The following LIMS2 variants were observed in gnomAD, a reference collection of about 807,000 sequenced individuals.
The protein encoded by LIMS2 is LIM and senescent cell antigen-like-containing domain protein 2.
LIMS2 carries 30 observed loss-of-function variants against 45.3 expected under a neutral mutation model. The observed-to-expected ratio is 0.66, with a 90% CI of 0.50 to 0.90. The LOEUF is 0.90. Among genes scored for constraint, LIMS2 ranks in the 40% least tolerant of loss-of-function variants. The pLI is 0.00. For missense variants in LIMS2, 485 were observed against 468.7 expected (o/e 1.03, Z -0.32); for synonymous variants, 173 against 188.0 (o/e 0.92, Z 0.65).
At chr2:127,654,809 G>C (rs773644274) in intron 3 of LIMS2, 21 bp downstream of exon 3, 11 of 1,613,056 alleles carry the variant, frequency 6.8e-6, no homozygotes, top group Middle Eastern at 1.6e-4. Flanking sequence ...AGCCCAGGAT[G>C]TGTACTGTCA....
Position 127,642,431 on chromosome 2 carries a change from A to G in LIMS2, c.510-232T>C. ...GAAGAGTGGGCTGTGTTCTGCACCC[A>G]GGCCTCTGAGAAGCAGGTCTGTTCT... On this transcript the variant is annotated intron_variant, in intron 5 of 9. Transcript: ENST00000355119. The surrounding 1 kb of genome is among the most constrained non-coding windows in gnomAD (Gnocchi z 5.3). 1 of 440,178 alleles carries G rather than the reference A, an allele frequency of 2.3e-6. No individual in the cohort carries two copies. The highest frequency in any genetic ancestry group is 4.0e-6 in the Non-Finnish European group (1 of 251,214). The allele number at this position is 440,178 out of a possible 1,614,324, so 27.3% of individuals were successfully genotyped here.
chr2:127,643,923 C>A, intron 4 of LIMS2: 1 of 399,728 alleles, frequency 2.5e-6, no homozygotes, highest in Admixed American at 2.7e-5. Flanking sequence ...GGCTGCCCGA[C>A]GCCCAGTGTT....
At position 127,672,499 on chromosome 2, in the gene LIMS2, A is replaced by AC. The variant is rs1316051897; in HGVS notation, c.11+2514dup. ...CACAACCACACCAAGCATGCCATCC[A>AC]CCCCCACCTGTCATCACAGGAGGGG... is the stretch of plus-strand genomic sequence containing the variant. On this transcript the variant is annotated intron_variant, in intron 1 of 9. Transcript: ENST00000355119. This position sits in a 1 kb window ranked among gnomAD's most constrained non-coding sequence, Gnocchi z 4.9. Among the ~76,000 whole-genome samples the AC allele has an allele frequency of 4.7e-5, 7 of 149,668 alleles. No individual in the cohort carries two copies. In the East Asian group the frequency reaches 1.4e-3, roughly 30 times the overall value.
intron 6 of LIMS2, chr2:127,641,342 C>T (rs1034732993): frequency 8.5e-5 from 21 of 245,914 alleles, no homozygotes; most frequent in African/African-American, 3.1e-4. Flanking sequence ...CCTGGTGCTG[C>T]GGCATGGTGG....
intron 1 of LIMS2, chr2:127,674,264 G>C (rs1337648618): frequency 6.4e-6 from 1 of 157,400 alleles, no homozygotes; most frequent in African/African-American, 2.4e-5. Flanking sequence ...GGGAGACCAG[G>C]GCCTCAGGGA....
At chr2:127,662,929 T>C (rs1235834969) in intron 1 of LIMS2, among the ~76,000 whole-genome samples, 1 of 152,264 alleles carries the variant, frequency 6.6e-6, no homozygotes, top group East Asian at 1.9e-4. Flanking sequence ...GCCCTTGCCA[T>C]ATCTCTTTGC....
exon 1 of LIMS2, chr2:127,681,783 A>C (rs961897379): frequency 6.6e-6 from 1 of 152,272 alleles, no homozygotes; most frequent in African/African-American, 2.4e-5. Context: ...GACAGACTGC[A>C]AAAGAAGCCC....
chr2:127,654,766 C>T, intron 3 of LIMS2, 64 bp downstream of exon 3: 1 of 1,568,244 alleles, frequency 6.4e-7, no homozygotes, highest in Non-Finnish European at 8.8e-7. Context: ...CCTCGGCCCC[C>T]TGCCCCCCGC....
intron 2 of LIMS2, among the ~76,000 whole-genome samples, chr2:127,656,820 G>A (rs990439092): frequency 3.3e-5 from 5 of 152,146 alleles, no homozygotes; most frequent in South Asian, 2.1e-4. Flanking sequence ...GTAGAGGCCC[G>A]TGGGGCCAAG....
chr2:127,673,055 G>A (rs146074280), intron 1 of LIMS2, among the ~76,000 whole-genome samples: 1 of 152,238 alleles, frequency 6.6e-6, no homozygotes, highest in African/African-American at 2.4e-5. Flanking sequence ...AGGCCGGGTT[G>A]GATGTCTGTT....
rs573367087 is a variant in LIMS2, at chr2:127,642,263, G to A, written c.510-64C>T. On this transcript the variant is annotated intron_variant, in intron 5 of 9. Coordinates refer to ENST00000355119, the MANE Select transcript of LIMS2 (RefSeq NM_001161403.3). This position sits in a 1 kb window ranked among gnomAD's most constrained non-coding sequence, Gnocchi z 5.3. ...CCTTCTGCAGGGTCATGCCAGCAGC[G>A]CCTCCACCCCAGGGCACGGCTCCCC... The A allele has an allele frequency of 1.8e-4, 250 of 1,424,420 alleles. No homozygotes were observed. The highest frequency in any genetic ancestry group is 2.2e-4 in the Non-Finnish European group (236 of 1,083,082). 88.2% of individuals were successfully genotyped at this position (1,424,420 alleles called of 1,614,324 possible).
rs36109655 is a variant in LIMS2, at chr2:127,671,498, C to T, written c.11+3516G>A. Among the ~76,000 whole-genome samples the T allele has an allele frequency of 0.12, 18,230 of 152,128 alleles. 1,316 individuals are homozygous for T. The highest frequency in any genetic ancestry group is 0.24 in the South Asian group (1,138 of 4,812). ...AGGGACAGACAGAAGAAGGATAACC[C>T]GCTGTGGATAGAAAGCCCGGGCTCC... On this transcript the variant is annotated intron_variant, in intron 1 of 9. Coordinates refer to ENST00000355119, the MANE Select transcript of LIMS2 (RefSeq NM_001161403.3). This position sits in a 1 kb window ranked among gnomAD's most constrained non-coding sequence, Gnocchi z 4.1.
intron 4 of LIMS2, among the ~76,000 whole-genome samples, chr2:127,648,992 GGA>G (rs1558877612): frequency 1.1e-3 from 29 of 26,634 alleles, no homozygotes; most frequent in Non-Finnish European, 1.6e-3. Context: ...GGGAGGGGAG[GGA>G]GGGGAGGGGA....
In LIMS2 at chr2:127,654,909, C is replaced by G. The variant is rs1373735668; in HGVS notation, c.172-13G>C. 2 of 1,612,984 alleles carry G rather than the reference C, an allele frequency of 1.2e-6. No individual in the cohort carries two copies. Among genetic ancestry groups the G allele is most frequent in the Admixed American group, 3.3e-5 (2 of 59,940 alleles). ...TCCGGCCTTCAAACTGCAAAGGGGT[C>G]GCAGAGAGAGGACAAGCAAACCACC... is the stretch of plus-strand genomic sequence containing the variant. On this transcript the variant is annotated splice_polypyrimidine_tract_variant and intron_variant, in intron 2 of 9. Transcript: ENST00000355119.
chr2:127,658,606 G>A (rs955012864), intron 1 of LIMS2, among the ~76,000 whole-genome samples: 3 of 151,944 alleles, frequency 2.0e-5, no homozygotes, highest in Non-Finnish European at 2.9e-5. Context: ...ACAGCCAGGA[G>A]GGGCCTTTTA....
chr2:127,664,285 G>GC lies in LIMS2; in HGVS notation c.12-6724dup. On this transcript the variant is annotated intron_variant, in intron 1 of 9. Transcript: ENST00000355119. The surrounding 1 kb of genome is among the most constrained non-coding windows in gnomAD (Gnocchi z 5.5). The stretch of plus-strand genomic sequence containing the variant: ...TTTCCGGCCATTGTCCCCGCCACCC[G>GC]CCCCGCCCCTGGCCACCTACCCCGT... 8.1e-7 allele frequency: 1 copy of GC among 1,232,966 alleles called. No individual in the cohort carries two copies. Among genetic ancestry groups the GC allele is most frequent in the Non-Finnish European group, 1.0e-6 (1 of 988,270 alleles). The allele number at this position is 1,232,966 out of a possible 1,614,324, so 76.4% of individuals were successfully genotyped here. A position where few individuals can be genotyped will look rare whatever the true frequency, so the allele number is the denominator to read the frequency against.
At chr2:127,640,716 G>A (rs2105191857) in intron 7 of LIMS2, 180 bp downstream of exon 7, 2 of 621,488 alleles carry the variant, frequency 3.2e-6, no homozygotes, top group East Asian at 5.4e-5. Context: ...AAGACACTGA[G>A]ACTGAAGAGA....
chr2:127,662,201 G>A (rs1021149847), intron 1 of LIMS2, among the ~76,000 whole-genome samples: 11 of 152,152 alleles, frequency 7.2e-5, no homozygotes, highest in African/African-American at 2.2e-4. Flanking sequence ...CAACTTCCTC[G>A]TTTATAAAAT....
chr2:127,651,551 G>A (rs1474988152), intron 4 of LIMS2: 16 of 1,612,478 alleles, frequency 9.9e-6, no homozygotes, highest in African/African-American at 5.3e-5. Context: ...GCGCCACCCA[G>A]CGCATCCTGG....
Sources: gnomAD v4.1 joint callset for allele counts (sites outside exome capture counted in the v4.1 genomes callset) on GRCh38, gnomAD v4.1.1 for gene constraint, Gnocchi (gnomAD v3.1) non-coding constraint, MANE v1.5 for transcripts, NCBI Gene and HGNC (gene_info 2026-07-23, HGNC 2026-07-21) for gene names.